The following TMEM135 variants were observed in gnomAD, a reference collection of about 807,000 sequenced individuals.
TMEM135 encodes the protein peroxisomal membrane protein 52.
A neutral mutation model predicts 60.3 loss-of-function variants in TMEM135; 30 were observed. That is an observed-to-expected ratio of 0.50 (90% CI 0.37 to 0.68). The LOEUF (loss-of-function observed/expected upper bound fraction) is 0.68. Ranked by LOEUF, TMEM135 falls within the 30% of genes least tolerant of loss-of-function variation. TMEM135 has a pLI of 0.00. For synonymous variants in TMEM135, 190 were observed against 186.7 expected (o/e 1.02, Z -0.14); for missense variants, 468 against 548.8 (o/e 0.85, Z 1.47).
At chr11:87,058,411 C>T (rs1949914242) in intron 1 of TMEM135, among the ~76,000 whole-genome samples, 1 of 150,950 alleles carries the variant, frequency 6.6e-6, no homozygotes, top group Non-Finnish European at 1.5e-5. Flanking sequence ...CTTGCTGCAA[C>T]CTCTGTCTCC....
chr11:87,262,399 T>G (rs1291709208), intron 6 of TMEM135, among the ~76,000 whole-genome samples: 1 of 152,224 alleles, frequency 6.6e-6, no homozygotes, highest in Non-Finnish European at 1.5e-5. Context: ...CTAGTTTATG[T>G]TGGTAATTTT....
At chr11:87,073,165 G>T (rs1385148504) in intron 3 of TMEM135, among the ~76,000 whole-genome samples, 1 of 152,168 alleles carries the variant, frequency 6.6e-6, no homozygotes, top group Non-Finnish European at 1.5e-5. Flanking sequence ...CTCCCAAGTA[G>T]CTGGGACTAC....
chr11:87,181,000 G>A (rs1290894100), intron 5 of TMEM135, among the ~76,000 whole-genome samples: 1 of 152,136 alleles, frequency 6.6e-6, no homozygotes, highest in Non-Finnish European at 1.5e-5. Flanking sequence ...AGATGACCTG[G>A]ATGCTGGAAT....
At chr11:87,166,169 T>G (rs1939039470) in intron 5 of TMEM135, among the ~76,000 whole-genome samples, 1 of 151,682 alleles carries the variant, frequency 6.6e-6, no homozygotes, top group Middle Eastern at 3.2e-3. Flanking sequence ...TTGATGGGGC[T>G]GTTTGTTTTT....
chr11:87,096,018 A>G, intron 4 of TMEM135: 1 of 214,602 alleles, frequency 4.7e-6, no homozygotes, highest in South Asian at 8.3e-5. Flanking sequence ...AATTTGGGAT[A>G]CTTTCTTGTG....
At chr11:87,236,819 A>G (rs1029959602) in intron 6 of TMEM135, 135 bp downstream of exon 6, 150 of 791,808 alleles carry the variant, frequency 1.9e-4, no homozygotes, top group South Asian at 6.3e-4. Flanking sequence ...CCCCGCCCAG[A>G]GTGGACAGAG....
chr11:87,053,551 A>T (rs1481843217), intron 1 of TMEM135, among the ~76,000 whole-genome samples: 1 of 152,160 alleles, frequency 6.6e-6, no homozygotes, highest in Non-Finnish European at 1.5e-5. Context: ...GAACTAAATA[A>T]AATATTTTGA....
chr11:87,171,501 T>G (rs1176924704), intron 5 of TMEM135, among the ~76,000 whole-genome samples: 1 of 152,106 alleles, frequency 6.6e-6, no homozygotes. Context: ...TAAGCAGGGA[T>G]TCATAGGTAA....
chr11:87,310,849 AG>A (rs1482355330), intron 10 of TMEM135, among the ~76,000 whole-genome samples: 2 of 151,976 alleles, frequency 1.3e-5, no homozygotes, highest in Admixed American at 6.6e-5. Context: ...ACTCTATAAA[AG>A]ATATGTGTTT....
At chr11:87,096,794 C>T (rs1236024081) in intron 4 of TMEM135, among the ~76,000 whole-genome samples, 1 of 152,194 alleles carries the variant, frequency 6.6e-6, no homozygotes, top group Non-Finnish European at 1.5e-5. Flanking sequence ...TACTACATTG[C>T]ATGTCTGATG....
chr11:87,130,001 T>A (rs186970569), intron 4 of TMEM135, among the ~76,000 whole-genome samples: 2 of 152,266 alleles, frequency 1.3e-5, no homozygotes, highest in African/African-American at 4.8e-5. Flanking sequence ...GAGTGTATAC[T>A]CCAAGATAAT....
At chr11:87,239,930 GT>G (rs541000870) in intron 6 of TMEM135, among the ~76,000 whole-genome samples, 1 of 151,944 alleles carries the variant, frequency 6.6e-6, no homozygotes, top group African/African-American at 2.4e-5. Context: ...GCTCTTAATA[GT>G]TTTTTAATAG....
chr11:87,166,897 A>G lies in TMEM135; in HGVS notation c.462+9491A>G, dbSNP rs144954007. On this transcript the variant is annotated intron_variant, in intron 5 of 14. Coordinates refer to ENST00000305494, the MANE Select transcript of TMEM135 (RefSeq NM_022918.4). ...TTGAATCTGTAAATTACTTTGGGCA[A>G]TATGGCCATTTTCACAATATTACTT... Among the ~76,000 whole-genome samples the G allele has an allele frequency of 5.8e-3, 877 of 151,910 alleles. 4 individuals carry two copies. Among genetic ancestry groups the G allele is most frequent in the Non-Finnish European group, 8.3e-3 (565 of 67,878 alleles).
At chr11:87,218,745 TG>T (rs1163257145) in intron 5 of TMEM135, among the ~76,000 whole-genome samples, 3 of 152,228 alleles carry the variant, frequency 2.0e-5, no homozygotes, top group African/African-American at 7.2e-5. Context: ...GTGGATCACT[TG>T]GGGTCAGGAG....
chr11:87,251,631 G>A (rs765703405), intron 6 of TMEM135, among the ~76,000 whole-genome samples: 174 of 151,866 alleles, frequency 1.1e-3, no homozygotes, highest in Non-Finnish European at 2.0e-3. Flanking sequence ...GTATATATAT[G>A]TATATAAATT....
chr11:87,072,872 T>C (rs1346524716), intron 3 of TMEM135, among the ~76,000 whole-genome samples: 1 of 152,216 alleles, frequency 6.6e-6, no homozygotes, highest in Non-Finnish European at 1.5e-5. Flanking sequence ...ATTGTTTTTA[T>C]TGCTGAGGAA....
At position 87,326,690 on chromosome 11, in the gene TMEM135, G is replaced by A. The variant is rs527762593; in HGVS notation, c.*5357G>A. Reference sequence around the variant, plus strand: ...TATTTCTTCATCTTGAGCTCTCAAGGGAAAAAACAGGAGTCCTTATTTTTC... The same window carrying A: ...TATTTCTTCATCTTGAGCTCTCAAGAGAAAAAACAGGAGTCCTTATTTTTC... On this transcript the variant is annotated 3_prime_UTR_variant, in exon 15 of 15. Transcript: ENST00000305494. 1.1e-5 allele frequency: 5 copies of A among 451,988 alleles called. No homozygotes were observed. In the East Asian group the frequency reaches 3.5e-4, roughly 31 times the overall value. The allele number at this position is 451,988 out of a possible 1,614,324, so 28.0% of individuals were successfully genotyped here.
Position 87,274,849 on chromosome 11 carries a change from T to A in TMEM135, c.510-20933T>A, listed in dbSNP as rs369862219. Among the ~76,000 whole-genome samples the A allele has an allele frequency of 9.3e-5, 14 of 149,926 alleles. No individual in the cohort carries two copies. In the East Asian group the frequency reaches 1.6e-3, roughly 17 times the overall value. On this transcript the variant is annotated intron_variant, in intron 6 of 14. Transcript: ENST00000305494. Reference sequence around the variant, plus strand: ...GTGTGTTTATATATTTATATATGTGTGTATATATATGCATATATATTTATA... The same window carrying A: ...GTGTGTTTATATATTTATATATGTGAGTATATATATGCATATATATTTATA...
chr11:87,246,332 G>T (rs1276382307), intron 6 of TMEM135, among the ~76,000 whole-genome samples: 1 of 149,972 alleles, frequency 6.7e-6, no homozygotes, highest in African/African-American at 2.5e-5. Context: ...TATGTGTCTT[G>T]GAGTTGCTCT....
Sources: gnomAD v4.1 joint callset for allele counts (sites outside exome capture counted in the v4.1 genomes callset) on GRCh38, gnomAD v4.1.1 for gene constraint, MANE v1.5 for transcripts, NCBI Gene and HGNC (gene_info 2026-07-23, HGNC 2026-07-21) for gene names.